The following C1orf226 variants were observed in gnomAD, a reference collection of about 807,000 sequenced individuals.
C1orf226 encodes uncharacterized protein C1orf226.
In C1orf226, 4 loss-of-function variants were observed where a neutral mutation model predicts 10.5. The observed-to-expected ratio is 0.38, with a 90% CI of 0.19 to 0.87. C1orf226 has a LOEUF of 0.87. Ranked by LOEUF, C1orf226 falls within the 40% of genes least tolerant of loss-of-function variation. The pLI is 0.41. For missense variants in C1orf226, 313 were observed against 336.2 expected (o/e 0.93, Z 0.54); for synonymous variants, 125 against 139.3 (o/e 0.90, Z 0.72).
rs1016104874 is a variant in C1orf226, at chr1:162,385,162, C to T, written c.*1479C>T. On this transcript the variant is annotated 3_prime_UTR_variant, in exon 2 of 2. Transcript: ENST00000458626. ...GCCAGGGCAGGCGGTGCGGCATCCTCCTCCTGGGATTCCTGTGGCCTCCCC... is the reference window on the plus strand; with the variant it reads ...GCCAGGGCAGGCGGTGCGGCATCCTTCTCCTGGGATTCCTGTGGCCTCCCC... 7 of 152,652 alleles carry T rather than the reference C, an allele frequency of 4.6e-5. No individual in the cohort carries two copies. The highest frequency in any genetic ancestry group is 1.0e-4 in the Non-Finnish European group (7 of 68,070). The allele number at this position is 152,652 out of a possible 1,614,324, so 9.5% of individuals were successfully genotyped here.
At chr1:162,382,301 A>G (rs946481237) in intron 1 of C1orf226, 83 bp downstream of exon 1, 24 of 1,475,920 alleles carry the variant, frequency 1.6e-5, no homozygotes, top group East Asian at 2.5e-5. Flanking sequence ...GTGTCTGCAC[A>G]GGAGAACAGC....
At chr1:162,381,373 T>C (rs1291857539), upstream of C1orf226, among the ~76,000 whole-genome samples, 1 of 152,200 alleles carries the variant, frequency 6.6e-6, no homozygotes, top group Non-Finnish European at 1.5e-5. Context: ...CCCACCTCTG[T>C]AGACCTGAGG....
rs1481553948 is a variant in C1orf226, at chr1:162,383,500, G to A, written c.636G>A (p.Lys212=). The stretch of plus-strand genomic sequence containing the variant: ...ACAAGGATAGCCAGGACGAATCCAA[G>A]CTAAAGATGACTGAGTGCAGAAGGG... ...LIHKDSQDES[K]LKMTECRRAS... Residue 212 remains lysine (K), a synonymous_variant, in exon 2 of 2, where the codon AAG becomes AAA. Coordinates refer to ENST00000458626, the MANE Select transcript of C1orf226 (RefSeq NM_001085375.2). 6.2e-7 allele frequency: 1 copy of A among 1,604,058 alleles called. No individual in the cohort carries two copies. Among genetic ancestry groups the A allele is most frequent in the Admixed American group, 1.7e-5 (1 of 58,640 alleles).
rs1292331884 is a variant in C1orf226 at position 162,383,770 on chromosome 1, G to A, written c.*87G>A. The A allele has an allele frequency of 1.7e-5, 23 of 1,348,998 alleles. No individual in the cohort carries two copies. Among genetic ancestry groups the A allele is most frequent in the Middle Eastern group, 2.3e-4 (1 of 4,336 alleles). 83.6% of individuals were successfully genotyped at this position (1,348,998 alleles called of 1,614,324 possible). On this transcript the variant is annotated 3_prime_UTR_variant, in exon 2 of 2. Transcript: ENST00000458626. ...GCACACTGGCCCTGGCCTCAACTCC[G>A]CTGTGCCCTTTGTCTTCCTTGTATG...
intron 1 of C1orf226, among the ~76,000 whole-genome samples, chr1:162,382,924 G>A (rs916245609): frequency 6.6e-6 from 1 of 152,224 alleles, no homozygotes; most frequent in Non-Finnish European, 1.5e-5. Flanking sequence ...CTTCACCAGC[G>A]GTCTCTATCC....
At position 162,384,732 on chromosome 1, in the gene C1orf226, T is replaced by C. The variant is rs1648050173; in HGVS notation, c.*1049T>C. 1 of 152,750 alleles carries C rather than the reference T, an allele frequency of 6.5e-6. No homozygotes were observed. The highest frequency in any genetic ancestry group is 2.1e-4 in the South Asian group (1 of 4,822). The allele number at this position is 152,750 out of a possible 1,614,324, so 9.5% of individuals were successfully genotyped here. Reference sequence around the variant, plus strand: ...CTGCTGTGAGAGCCAGAATGAAGCATGTACAAGATTGGAATGTGAGAAGAA... The same window carrying C: ...CTGCTGTGAGAGCCAGAATGAAGCACGTACAAGATTGGAATGTGAGAAGAA... On this transcript the variant is annotated 3_prime_UTR_variant, in exon 2 of 2. Coordinates refer to ENST00000458626, the MANE Select transcript of C1orf226 (RefSeq NM_001085375.2).
upstream of C1orf226, chr1:162,379,178 A>G: frequency 1.7e-6 from 1 of 600,560 alleles, no homozygotes; most frequent in East Asian, 2.8e-5. Flanking sequence ...TATTTTCTGA[A>G]CCATCAAGCC....
At position 162,381,797 on chromosome 1, in the gene C1orf226, G is replaced by T. The variant is rs1354336541; in HGVS notation, c.-105G>T. ...ATTTCCAAAGCCTTGGAAGTTACAGGTTTTGGGTGTGGGATAAGGAAAAAC... is the reference window on the plus strand; with the variant it reads ...ATTTCCAAAGCCTTGGAAGTTACAGTTTTTGGGTGTGGGATAAGGAAAAAC... On this transcript the variant is annotated 5_prime_UTR_variant, in exon 1 of 2. Coordinates refer to ENST00000458626, the MANE Select transcript of C1orf226 (RefSeq NM_001085375.2). 1 of 1,522,798 alleles carries T rather than the reference G, an allele frequency of 6.6e-7. No individual in the cohort carries two copies. The highest frequency in any genetic ancestry group is 8.8e-7 in the Non-Finnish European group (1 of 1,141,952). 94.3% of individuals were successfully genotyped at this position (1,522,798 alleles called of 1,614,324 possible).
chr1:162,383,545 C>T lies in C1orf226; in HGVS notation c.681C>T (p.Ile227=), dbSNP rs200714502. 32 of 1,606,146 alleles carry T rather than the reference C, an allele frequency of 2.0e-5. No homozygotes were observed. Among genetic ancestry groups the T allele is most frequent in the East Asian group, 1.3e-4 (6 of 44,730 alleles). ...GAAGGGCCTCCTCCCCCAGCCTTAT[C>T]GAGAGGAATGGCTTCAAACTCAGCT... ...ECRRASSPSL[I]ERNGFKLSLS... Residue 227 remains isoleucine (I), a synonymous_variant, in exon 2 of 2, where the codon ATC becomes ATT. Coordinates refer to ENST00000458626, the MANE Select transcript of C1orf226 (RefSeq NM_001085375.2).
chr1:162,379,452 T>C (rs887277840), upstream of C1orf226, among the ~76,000 whole-genome samples: 1 of 152,178 alleles, frequency 6.6e-6, no homozygotes, highest in Admixed American at 6.5e-5. Context: ...TCATGCAATT[T>C]TTAAGAATTC....
chr1:162,379,041 C>G, upstream of C1orf226: 2 of 1,527,260 alleles, frequency 1.3e-6, no homozygotes, highest in East Asian at 2.5e-5. Context: ...GGTAAGATAT[C>G]CTGTTTTTTT....
At position 162,384,293 on chromosome 1, in the gene C1orf226, C is replaced by A. The variant is rs892004315; in HGVS notation, c.*610C>A. 6.5e-6 allele frequency: 1 copy of A among 152,776 alleles called. No individual in the cohort carries two copies. The highest frequency in any genetic ancestry group is 6.5e-5 in the Admixed American group (1 of 15,312). 9.5% of individuals were successfully genotyped at this position (152,776 alleles called of 1,614,324 possible). ...GCCCCTGGTTGCCATGTTTGCTCTG[C>A]CCCTGGGGTGGAGGCCAGAGGAGAT... On this transcript the variant is annotated 3_prime_UTR_variant, in exon 2 of 2. Transcript: ENST00000458626.
rs1387827436 is a variant in C1orf226, at chr1:162,383,514, A to G, written c.650A>G (p.Glu217Gly). Reference protein sequence around the residue: ...SQDESKLKMTECRRASSPSLI... With the variant: ...SQDESKLKMTGCRRASSPSLI... ...GACGAATCCAAGCTAAAGATGACTG[A>G]GTGCAGAAGGGCCTCCTCCCCCAGC... The change falls in exon 2 of 2, where the codon GAG becomes GGG. Residue 217 changes from glutamate (E) to glycine (G), a missense_variant. Physicochemically the swap from Glu to Gly is moderately conservative, Grantham distance 98. Transcript: ENST00000458626. 1 of 1,605,284 alleles carries G rather than the reference A, an allele frequency of 6.2e-7. No individual in the cohort carries two copies. Among genetic ancestry groups the G allele is most frequent in the South Asian group, 1.1e-5 (1 of 89,374 alleles).
chr1:162,385,000 G>A lies in C1orf226; in HGVS notation c.*1317G>A, dbSNP rs1287772647. 4.6e-5 allele frequency: 7 copies of A among 152,838 alleles called. No individual in the cohort carries two copies. The highest frequency in any genetic ancestry group is 1.7e-4 in the African/African-American group (7 of 41,566). The allele number at this position is 152,838 out of a possible 1,614,324, so 9.5% of individuals were successfully genotyped here. On this transcript the variant is annotated 3_prime_UTR_variant, in exon 2 of 2. Coordinates refer to ENST00000458626, the MANE Select transcript of C1orf226 (RefSeq NM_001085375.2). ...TTAGGTCTCCCACCAGGGGCCTATT[G>A]TGCTGTCTTCCTGTGACCAGCAGAT...
chr1:162,383,173 A>G lies in C1orf226; in HGVS notation c.318-9A>G. ...AAGGCATGTGTGTTTATTGTCATTA[A>G]CCTTACAGGTCAGTCCTGCAAGAAA... On this transcript the variant is annotated splice_polypyrimidine_tract_variant and intron_variant, in intron 1 of 1. Transcript: ENST00000458626. 6.5e-7 allele frequency: 1 copy of G among 1,549,350 alleles called. No individual in the cohort carries two copies. The highest frequency in any genetic ancestry group is 8.7e-7 in the Non-Finnish European group (1 of 1,148,734).
chr1:162,385,423 C>T lies in C1orf226; in HGVS notation c.*1740C>T, dbSNP rs1160891301. On this transcript the variant is annotated 3_prime_UTR_variant, in exon 2 of 2. Coordinates refer to ENST00000458626, the MANE Select transcript of C1orf226 (RefSeq NM_001085375.2). Reference sequence around the variant, plus strand: ...TTGCCATGGCCCTCCCACCACTTTCCCTTCTACCTTGCCTTCCATTGTCTT... The same window carrying T: ...TTGCCATGGCCCTCCCACCACTTTCTCTTCTACCTTGCCTTCCATTGTCTT... 1.3e-5 allele frequency: 2 copies of T among 152,338 alleles called. No homozygotes were observed. Among genetic ancestry groups the T allele is most frequent in the Non-Finnish European group, 2.9e-5 (2 of 68,090 alleles). The allele number at this position is 152,338 out of a possible 1,614,324, so 9.4% of individuals were successfully genotyped here.
chr1:162,381,597 G>C (rs961546950), upstream of C1orf226: 4 of 797,284 alleles, frequency 5.0e-6, no homozygotes, highest in African/African-American at 7.4e-5. Flanking sequence ...CCAAGGTAAA[G>C]GGGCCAAGCC....
upstream of C1orf226, chr1:162,381,621 G>A: frequency 9.0e-7 from 1 of 1,108,300 alleles, no homozygotes; most frequent in South Asian, 2.1e-5. Context: ...GAGTCAAGGA[G>A]GCAGGTTTAC....
At position 162,382,143 on chromosome 1, in the gene C1orf226, A is replaced by C. The variant is rs1473477337; in HGVS notation, c.242A>C (p.Glu81Ala). Residue 81 changes from glutamate (E) to alanine (A), a missense_variant, in exon 1 of 2, where the codon GAG (glutamate) becomes GCG (alanine). Physicochemically the swap from Glu to Ala is moderately radical, Grantham distance 107. Transcript: ENST00000458626. ...AGCCTGGGCAGTGTGGGTGTGACAG[A>C]GATCAACAAGACTGCAGGAGCACAG... ...PSSLGSVGVTEINKTAGAQLA... is the reference protein window; with the variant it reads ...PSSLGSVGVTAINKTAGAQLA... 1 of 1,589,736 alleles carries C rather than the reference A, an allele frequency of 6.3e-7. No homozygotes were observed. Among genetic ancestry groups the C allele is most frequent in the South Asian group, 1.1e-5 (1 of 87,088 alleles).
Sources: gnomAD v4.1 joint callset for allele counts (sites outside exome capture counted in the v4.1 genomes callset) on GRCh38, gnomAD v4.1.1 for gene constraint, MANE v1.5 for transcripts, NCBI Gene and HGNC (gene_info 2026-07-23, HGNC 2026-07-21) for gene names.